Variants in MED16 observed in about 807,000 individuals in gnomAD.
The protein encoded by MED16 is mediator complex subunit 16.
Under a neutral mutation model 84.4 loss-of-function variants are expected in MED16, and 81 were observed. The ratio of observed to expected loss-of-function variants is 0.96; its 90% CI spans 0.80 to 1.15. The LOEUF (loss-of-function observed/expected upper bound fraction) is 1.15. MED16 is among the 50% of genes most tolerant of loss of function. MED16 has a pLI of 0.00. For synonymous variants in MED16, 897 were observed against 552.2 expected (o/e 1.62, Z -8.76); for missense variants, 1,585 against 1,245.9 (o/e 1.27, Z -4.10).
At chr19:881,497 C>T in intron 7 of MED16, 62 bp downstream of exon 7, 1 of 1,552,256 alleles carries the variant, frequency 6.4e-7, no homozygotes, top group South Asian at 1.2e-5. Flanking sequence ...GGCCTGTGCT[C>T]AGGGCCCAAC....
chr19:873,308 G>C (rs2036141360), intron 11 of MED16, 141 bp downstream of exon 11: 5 of 684,176 alleles, frequency 7.3e-6, no homozygotes, highest in Non-Finnish European at 1.2e-5. Context: ...ACTCCAAGTA[G>C]GGGCGGGACT....
chr19:878,517 C>T (rs2036323400), intron 8 of MED16, among the ~76,000 whole-genome samples: 3 of 141,968 alleles, frequency 2.1e-5, no homozygotes, highest in African/African-American at 5.2e-5. Flanking sequence ...GCCCCACGTG[C>T]CCCAGCAGCT....
chr19:886,297 G>T, intron 4 of MED16, 96 bp from the exon 5 acceptor site: 6 of 1,119,456 alleles, frequency 5.4e-6, no homozygotes, highest in Non-Finnish European at 7.3e-6. Context: ...CCACGCAGAA[G>T]CCAGGAGTGT....
At position 875,404 on chromosome 19, in the gene MED16, C is replaced by G; in HGVS notation, c.1611G>C (p.Ser537=). The G allele has an allele frequency of 3.7e-6, 6 of 1,607,354 alleles. No individual in the cohort carries two copies. Among genetic ancestry groups the G allele is most frequent in the Non-Finnish European group, 4.2e-6 (5 of 1,179,696 alleles). Residue 537 remains serine (S), a synonymous_variant, in exon 10 of 16, where the codon TCG becomes TCC. Coordinates refer to ENST00000325464, the MANE Select transcript of MED16 (RefSeq NM_005481.3). ...CGCACACGCGGGTCACCGTGCAGGG[C>G]GACAGCTTGCAGAGCGAGGCCTTCA... ...LAMKASLCKL[S]PCTVTRVCDY... is the part of the protein sequence containing the mutation.
In MED16 at chr19:867,965, G is replaced by T. The variant is rs370470379; in HGVS notation, c.*136C>A. Reference sequence around the variant, plus strand: ...CACCGACGGCAGGGACGCGGGCCTGGGCGCAGAGGGCGTTTATTGGACCTG... The same window carrying T: ...CACCGACGGCAGGGACGCGGGCCTGTGCGCAGAGGGCGTTTATTGGACCTG... On this transcript the variant is annotated 3_prime_UTR_variant, in exon 16 of 16. Transcript: ENST00000325464. 3 of 1,210,752 alleles carry T rather than the reference G, an allele frequency of 2.5e-6. No individual in the cohort carries two copies. The highest frequency in any genetic ancestry group is 3.2e-5 in the South Asian group (2 of 63,396). 75.0% of individuals were successfully genotyped at this position (1,210,752 alleles called of 1,614,324 possible).
At chr19:885,571 C>T (rs1046525675) in intron 5 of MED16, among the ~76,000 whole-genome samples, 199 bp downstream of exon 5, 12 of 152,128 alleles carry the variant, frequency 7.9e-5, no homozygotes, top group African/African-American at 1.9e-4. Flanking sequence ...GAAGGCGCCC[C>T]GAACCGAGGG....
rs370725536 is a variant in MED16 at position 868,496 on chromosome 19, G to A, written c.2403C>T (p.Cys801=). 2.0e-5 allele frequency: 33 copies of A among 1,609,978 alleles called. No homozygotes were observed. Among genetic ancestry groups the A allele is most frequent in the South Asian group, 1.3e-4 (12 of 91,082 alleles). ...GCGACTTGAGCATGGTGACACAGCC[G>A]CACCTGCGGGGAGGCAGGCACTGAG... is the stretch of plus-strand genomic sequence containing the variant. ...PTEECKACTR[C]GCVTMLKSPN... Residue 801 remains cysteine (C), a synonymous_variant, in exon 15 of 16, where the codon TGC becomes TGT. Transcript: ENST00000325464.
chr19:887,409 T>C (rs545678770), intron 4 of MED16, among the ~76,000 whole-genome samples: 1 of 152,266 alleles, frequency 6.6e-6, no homozygotes, highest in South Asian at 2.1e-4. Flanking sequence ...GGCTCACGCC[T>C]GTAATCTCAG....
In MED16 at chr19:880,034, A is replaced by G. The variant is rs371415029; in HGVS notation, c.1256T>C (p.Met419Thr). ...AAPRPVDEPAMKRPRTAGPAV... is the reference protein window; with the variant it reads ...AAPRPVDEPATKRPRTAGPAV... Reference sequence around the variant, plus strand: ...GGGGCCCGCGGTGCGGGGGCGCTTCATGGCCGGCTCATCCACAGGCCTCGG... The same window carrying G: ...GGGGCCCGCGGTGCGGGGGCGCTTCGTGGCCGGCTCATCCACAGGCCTCGG... Residue 419 changes from methionine (M) to threonine (T), a missense_variant, in exon 8 of 16, where the codon ATG (methionine) becomes ACG (threonine). Coordinates refer to ENST00000325464, the MANE Select transcript of MED16 (RefSeq NM_005481.3). 6.2e-6 allele frequency: 10 copies of G among 1,610,928 alleles called. No individual in the cohort carries two copies. The East Asian group carries it at 8.9e-5, about 14-fold the overall frequency.
intron 2 of MED16, 86 bp from the exon 3 acceptor site, chr19:890,330 G>A (rs879053302): frequency 2.0e-5 from 19 of 928,262 alleles, no homozygotes; most frequent in East Asian, 1.9e-4. Context: ...CAGGTAAGCC[G>A]GTGTGTGTCC....
intron 13 of MED16, 23 bp downstream of exon 13, chr19:871,014 G>T: frequency 6.6e-7 from 1 of 1,524,940 alleles, no homozygotes; most frequent in South Asian, 1.2e-5. Context: ...TGTGTTTGGG[G>T]ACCAATGCAG....
chr19:877,295 C>CCT (rs112839858), intron 8 of MED16, 115 bp from the exon 9 acceptor site: 269,752 of 940,376 alleles, frequency 0.29, 42,196 homozygotes, highest in African/African-American at 0.44. Flanking sequence ...CGCGCACGCC[C>CCT]GTGTGTGGGC....
intron 13 of MED16, 148 bp downstream of exon 13, chr19:870,889 G>A (rs2036032873): frequency 3.9e-6 from 3 of 774,034 alleles, no homozygotes; most frequent in South Asian, 3.7e-5. Flanking sequence ...GGGGGTCCCG[G>A]GCAGGACATG....
chr19:877,907 CCCA>C (rs2036295573), intron 8 of MED16, among the ~76,000 whole-genome samples: 3 of 145,722 alleles, frequency 2.1e-5, no homozygotes, highest in Admixed American at 1.4e-4. Context: ...CAGCCCCAGC[CCCA>C]CGTGCCCCAG....
intron 7 of MED16, among the ~76,000 whole-genome samples, 182 bp from the exon 8 acceptor site, chr19:880,330 G>A (rs1021145294): frequency 3.9e-5 from 6 of 152,370 alleles, no homozygotes; most frequent in Non-Finnish European, 5.9e-5. Flanking sequence ...CAGTCCCTGA[G>A]CACCAGGGGA....
chr19:872,526 A>G (rs2036104172), intron 11 of MED16, among the ~76,000 whole-genome samples: 3 of 152,032 alleles, frequency 2.0e-5, no homozygotes, highest in South Asian at 4.1e-4. Flanking sequence ...AAGCCCCACA[A>G]AAAGAAGAGA....
At chr19:869,025 G>T in intron 13 of MED16, 79 bp from the exon 14 acceptor site, 4 of 1,258,048 alleles carry the variant, frequency 3.2e-6, no homozygotes, top group Non-Finnish European at 4.3e-6. Flanking sequence ...GTCCACAGGC[G>T]GGGGTGGAGG....
At chr19:877,939 T>C (rs377685775) in intron 8 of MED16, among the ~76,000 whole-genome samples, 300 of 55,220 alleles carry the variant, frequency 5.4e-3, no homozygotes, top group South Asian at 8.3e-3. Context: ...CTTCCCGTGG[T>C]TGTCAATGCC....
At chr19:870,745 G>A (rs1013312739) in intron 13 of MED16, among the ~76,000 whole-genome samples, 8 of 149,186 alleles carry the variant, frequency 5.4e-5, no homozygotes, top group Non-Finnish European at 1.0e-4. Context: ...ATTCGGGGGG[G>A]TCCTGGGGCA....
Sources: allele counts gnomAD v4.1 joint callset (sites outside exome capture counted in the v4.1 genomes callset), GRCh38; gene constraint gnomAD v4.1.1; transcripts MANE v1.5; gene names NCBI Gene and HGNC (gene_info 2026-07-23, HGNC 2026-07-21).